TTC8: variants seen among roughly 807,000 people sequenced by gnomAD.
TTC8 encodes the protein tetratricopeptide repeat domain 8.
Under a neutral mutation model 72.5 loss-of-function variants are expected in TTC8, and 47 were observed. The ratio of observed to expected loss-of-function variants is 0.65; its 90% CI spans 0.51 to 0.83. The LOEUF (loss-of-function observed/expected upper bound fraction) is 0.83, where lower values mean the gene tolerates loss of function less well. TTC8 is among the 40% of genes least tolerant of loss of function. TTC8 has a pLI of 0.00. For missense variants in TTC8, 611 were observed against 623.2 expected (o/e 0.98, Z 0.21); for synonymous variants, 199 against 221.4 (o/e 0.90, Z 0.90).
chr14:88,848,123 CAAAAA>C (rs58210253), intron 7 of TTC8, among the ~76,000 whole-genome samples: 3 of 17,688 alleles, frequency 1.7e-4, no homozygotes, highest in Non-Finnish European at 5.1e-4. Flanking sequence ...AACTCTGTCT[CAAAAA>C]AAAAAAAAAA....
At chr14:88,843,989 C>T in intron 7 of TTC8, 139 bp downstream of exon 7, 1 of 658,790 alleles carries the variant, frequency 1.5e-6, no homozygotes, top group Non-Finnish European at 2.6e-6. Flanking sequence ...CTTTAAAATC[C>T]ACCCTCAGTT....
At position 88,826,200 on chromosome 14, in the gene TTC8, G is replaced by C. The variant is rs537271433; in HGVS notation, c.114+1379G>C. Among the ~76,000 whole-genome samples the C allele has an allele frequency of 9.9e-5, 15 of 151,586 alleles. No homozygotes were observed. In the South Asian group the frequency reaches 3.1e-3, roughly 32 times the overall value. ...AGACGGGATTTCACCGTGTTAGCCA[G>C]GGTGGTCTCGAACTCCTGACCTCGT... is the stretch of plus-strand genomic sequence containing the variant. On this transcript the variant is annotated intron_variant, in intron 1 of 14. Transcript: ENST00000380656.
chr14:88,863,712 T>A (rs1212212779), intron 10 of TTC8, among the ~76,000 whole-genome samples: 1 of 152,232 alleles, frequency 6.6e-6, no homozygotes, highest in African/African-American at 2.4e-5. Flanking sequence ...CTATGTTAAC[T>A]TTTTTCTATG....
chr14:88,834,328 ACCTGG>A (rs2094739968), intron 2 of TTC8, among the ~76,000 whole-genome samples: 1 of 152,214 alleles, frequency 6.6e-6, no homozygotes, highest in Non-Finnish European at 1.5e-5. Flanking sequence ...GGAGGGGGAC[ACCTGG>A]CCAGTGATAC....
intron 6 of TTC8, among the ~76,000 whole-genome samples, chr14:88,842,962 T>A (rs200624976): frequency 6.7e-6 from 1 of 148,726 alleles, no homozygotes; most frequent in African/African-American, 2.5e-5. Flanking sequence ...TTTTTTTTTT[T>A]AAAGAAAGGC....
chr14:88,824,577 C>T, upstream of TTC8: 1 of 671,356 alleles, frequency 1.5e-6, no homozygotes, highest in Non-Finnish European at 2.6e-6. Flanking sequence ...TTCTCAGGCG[C>T]GCTGCGGGCA....
intron 1 of TTC8, among the ~76,000 whole-genome samples, chr14:88,825,289 G>A (rs2094694110): frequency 6.6e-6 from 1 of 152,144 alleles, no homozygotes; most frequent in African/African-American, 2.4e-5. Context: ...CTCATCTTTA[G>A]ACTGTTGTCC....
At chr14:88,846,873 C>T in intron 7 of TTC8, 1 of 365,790 alleles carries the variant, frequency 2.7e-6, no homozygotes, top group South Asian at 4.6e-5. Context: ...CAAGTGAAAT[C>T]TTATCGAGAC....
At chr14:88,846,739 T>C in intron 7 of TTC8, 2 of 924,542 alleles carry the variant, frequency 2.2e-6, no homozygotes, top group Non-Finnish European at 3.1e-6. Context: ...TAGCCGACTG[T>C]AATTTTTACA....
chr14:88,872,363 T>G lies in TTC8; in HGVS notation c.1258T>G (p.Phe420Val), dbSNP rs1458433767. Residue 420 changes from phenylalanine to valine, a missense_variant, in exon 13 of 15, where the codon TTC becomes GTC. Phe to Val is a conservative substitution (Grantham distance 50, BLOSUM62 -1). Transcript: ENST00000380656. ...AGATACAAATTTGGCCCATCAGTGC[T>G]TCAGGCTGGCTCTGGTCAACAACAA... ...IGDTNLAHQC[F>V]RLALVNNNNH... The G allele has an allele frequency of 6.2e-7, 1 of 1,613,838 alleles. No homozygotes were observed. Among genetic ancestry groups the G allele is most frequent in the African/African-American group, 1.3e-5 (1 of 74,894 alleles).
At chr14:88,848,027 G>A (rs1050653894) in intron 7 of TTC8, among the ~76,000 whole-genome samples, 3 of 149,916 alleles carry the variant, frequency 2.0e-5, no homozygotes, top group Non-Finnish European at 2.9e-5. Context: ...GGAGGCTGAG[G>A]CAGGAGAATT....
chr14:88,829,341 G>A (rs1436378158), intron 1 of TTC8, among the ~76,000 whole-genome samples: 1 of 152,174 alleles, frequency 6.6e-6, no homozygotes, highest in African/African-American at 2.4e-5. Flanking sequence ...ATGCAAAACA[G>A]TCCTCTCCGT....
At chr14:88,844,797 C>G (rs1041916386) in intron 7 of TTC8, among the ~76,000 whole-genome samples, 6 of 152,000 alleles carry the variant, frequency 3.9e-5, no homozygotes, top group Non-Finnish European at 8.8e-5. Flanking sequence ...AGTGATCCTC[C>G]TGCCTCAGCT....
intron 2 of TTC8, among the ~76,000 whole-genome samples, chr14:88,835,314 T>A (rs1297640127): frequency 6.6e-6 from 1 of 152,226 alleles, no homozygotes; most frequent in Non-Finnish European, 1.5e-5. Flanking sequence ...CATCTGTTTA[T>A]TTTTATAACT....
chr14:88,832,070 G>T (rs1251550157), intron 1 of TTC8, among the ~76,000 whole-genome samples: 2 of 152,020 alleles, frequency 1.3e-5, no homozygotes, highest in Non-Finnish European at 2.9e-5. Flanking sequence ...ACCTGTCTCT[G>T]CACCTCCCTA....
At chr14:88,828,062 T>C (rs574794942) in intron 1 of TTC8, among the ~76,000 whole-genome samples, 2 of 152,244 alleles carry the variant, frequency 1.3e-5, no homozygotes, top group African/African-American at 4.8e-5. Context: ...AGTTGCTTGA[T>C]GATCTTTGTC....
intron 3 of TTC8, 102 bp downstream of exon 3, chr14:88,839,674 A>T (rs1018696003): frequency 7.6e-7 from 1 of 1,320,216 alleles, no homozygotes; most frequent in African/African-American, 1.5e-5. Context: ...CACTTTATAT[A>T]TATAAACATT....
intron 1 of TTC8, among the ~76,000 whole-genome samples, chr14:88,833,129 A>G (rs2094734089): frequency 6.6e-6 from 1 of 152,218 alleles, no homozygotes; most frequent in African/African-American, 2.4e-5. Context: ...CCCCAGTAAA[A>G]CAGATTGAGT....
At chr14:88,880,616 A>T (rs1595998522), downstream of TTC8, 5 of 152,222 alleles carry the variant, frequency 3.3e-5, no homozygotes, top group South Asian at 1.0e-3. Flanking sequence ...TCAGAAAGAG[A>T]GACCCTCTTC....
Sources: gnomAD v4.1 joint callset for allele counts (sites outside exome capture counted in the v4.1 genomes callset) on GRCh38, gnomAD v4.1.1 for gene constraint, MANE v1.5 for transcripts, NCBI Gene and HGNC (gene_info 2026-07-23, HGNC 2026-07-21) for gene names.